Variants in PDZD2 observed in about 807,000 individuals in gnomAD.
PDZD2 encodes the protein PDZ domain-containing protein 2.
Under a neutral mutation model 220.7 loss-of-function variants are expected in PDZD2, and 90 were observed. The observed-to-expected ratio is 0.41, with a 90% CI of 0.34 to 0.49. The LOEUF (loss-of-function observed/expected upper bound fraction) is 0.49, where lower values mean the gene tolerates loss of function less well. Ranked by LOEUF, PDZD2 falls within the 20% of genes least tolerant of loss-of-function variation. The pLI is 0.28. For missense variants in PDZD2, 3,174 were observed against 3,608.5 expected, an observed-to-expected ratio of 0.88 and a Z score of 3.08; for synonymous variants, 1,375 against 1,450.5, an observed-to-expected ratio of 0.95 and a Z score of 1.18.
At chr5:32,056,305 C>T (rs924748502) in intron 10 of PDZD2, among the ~76,000 whole-genome samples, 2 of 150,486 alleles carry the variant, frequency 1.3e-5, no homozygotes, top group African/African-American at 2.4e-5. Context: ...TTTTGTAACT[C>T]ATCTACAGGA....
chr5:31,666,857 C>T (rs1746007499), intron 1 of PDZD2, among the ~76,000 whole-genome samples: 1 of 152,154 alleles, frequency 6.6e-6, no homozygotes, highest in Admixed American at 6.5e-5. Flanking sequence ...CTCAGACTCT[C>T]AGCCTGTGGG....
rs147329220 is a variant in PDZD2 at position 32,046,677 on chromosome 5, A to C, written c.1520-1862A>C. On this transcript the variant is annotated intron_variant, in intron 7 of 24. Coordinates refer to ENST00000438447, the MANE Select transcript of PDZD2 (RefSeq NM_178140.4). ...ATACATTAAGACAGTGAACAGGCAA[A>C]GCGTAGACACGGAGAAGATATTTAC... Among the ~76,000 whole-genome samples, 29 of 152,352 alleles carry C rather than the reference A, an allele frequency of 1.9e-4. No individual in the cohort carries two copies. The East Asian group carries it at 5.6e-3, about 29-fold the overall frequency.
Position 31,816,066 on chromosome 5 carries a change from A to C in PDZD2, c.476+16342A>C, listed in dbSNP as rs1755428319. Among the ~76,000 whole-genome samples, 3 of 152,106 alleles carry C rather than the reference A, an allele frequency of 2.0e-5. No homozygotes were observed. The East Asian group carries it at 5.8e-4, about 29-fold the overall frequency. On this transcript the variant is annotated intron_variant, in intron 2 of 24. Coordinates refer to ENST00000438447, the MANE Select transcript of PDZD2 (RefSeq NM_178140.4). ...CATTTTGGGAGGCTGAGGTAGGCAG[A>C]TCACGAGGTCAGGAGATCAAGACCA...
At chr5:31,705,479 C>T (rs1465603080) in intron 1 of PDZD2, among the ~76,000 whole-genome samples, 1 of 152,100 alleles carries the variant, frequency 6.6e-6, no homozygotes, top group African/African-American at 2.4e-5. Flanking sequence ...CAGAAAACTA[C>T]CTTGTATTGA....
At chr5:31,721,939 T>C (rs930894301) in intron 1 of PDZD2, among the ~76,000 whole-genome samples, 5 of 152,132 alleles carry the variant, frequency 3.3e-5, no homozygotes, top group Non-Finnish European at 5.9e-5. Flanking sequence ...CCCTTAGTAA[T>C]TGGCTTAACT....
intron 2 of PDZD2, among the ~76,000 whole-genome samples, chr5:31,933,960 C>T (rs1181829132): frequency 2.6e-5 from 4 of 152,150 alleles, no homozygotes; most frequent in African/African-American, 7.2e-5. Context: ...GTGTATGCTA[C>T]GTGGCTCGTT....
At chr5:31,692,212 G>A (rs1483200140) in intron 1 of PDZD2, among the ~76,000 whole-genome samples, 1 of 152,252 alleles carries the variant, frequency 6.6e-6, no homozygotes, top group African/African-American at 2.4e-5. Flanking sequence ...GCTGGCCCAG[G>A]TGCTAAGCTT....
chr5:32,048,642 A>G lies in PDZD2; in HGVS notation c.1623A>G (p.Lys541=), dbSNP rs1344818544. The G allele has an allele frequency of 2.5e-6, 4 of 1,613,982 alleles. No individual in the cohort carries two copies. The Admixed American group carries it at 6.7e-5, about 27-fold the overall frequency. The change falls in exon 8 of 25, where the codon AAA becomes AAG. Residue 541 remains lysine (K), a synonymous_variant. Coordinates refer to ENST00000438447, the MANE Select transcript of PDZD2 (RefSeq NM_178140.4). ...TGGAGGTCTCCCGAGATGGCCGGAAACACTCCCTCCCGCAGCTGCTGGACT... is the reference window on the plus strand; with the variant it reads ...TGGAGGTCTCCCGAGATGGCCGGAAGCACTCCCTCCCGCAGCTGCTGGACT... ...RMLEVSRDGR[K]HSLPQLLDSS...
chr5:31,778,199 G>A (rs6450863), intron 1 of PDZD2, among the ~76,000 whole-genome samples: 76,741 of 152,042 alleles, frequency 0.5, 20,248 homozygotes, highest in African/African-American at 0.55. Flanking sequence ...AAACACACCA[G>A]TGAGCACCCT....
In PDZD2 at chr5:32,048,656, A is replaced by T; in HGVS notation, c.1637A>T (p.Gln546Leu). ...SRDGRKHSLP[Q>L]LLDSSSASQE... ...GATGGCCGGAAACACTCCCTCCCGC[A>T]GCTGCTGGACTCTTCCAGTGCCTCA... The change falls in exon 8 of 25, where the codon CAG (glutamine) becomes CTG (leucine). Residue 546 changes from glutamine to leucine, a missense_variant. Coordinates refer to ENST00000438447, the MANE Select transcript of PDZD2 (RefSeq NM_178140.4). 6.2e-7 allele frequency: 1 copy of T among 1,614,098 alleles called. No homozygotes were observed. Among genetic ancestry groups the T allele is most frequent in the Non-Finnish European group, 8.5e-7 (1 of 1,180,006 alleles).
chr5:31,868,472 C>T (rs1295959500), intron 2 of PDZD2, among the ~76,000 whole-genome samples: 1 of 151,964 alleles, frequency 6.6e-6, no homozygotes, highest in Non-Finnish European at 1.5e-5. Context: ...TGCAGCTGTC[C>T]CGCGTGAGTT....
chr5:32,103,685 TCGTGGTTGGTCACAGGACA>T (rs1346392170), intron 24 of PDZD2: 1 of 152,238 alleles, frequency 6.6e-6, no homozygotes, highest in African/African-American at 2.4e-5. Context: ...GTGGCCGCCT[TCGTGGTTGGTCACAGGACA>T]CGTAGCCTCT....
chr5:32,091,032 C>T lies in PDZD2; in HGVS notation c.7584C>T (p.Gly2528=), dbSNP rs1423968988. ...GGTCACCTGGCCCTCCTGCTGGAGGCGTTTCGTGTCCCGAGAAGGGCGGGA... is the reference window on the plus strand; with the variant it reads ...GGTCACCTGGCCCTCCTGCTGGAGGTGTTTCGTGTCCCGAGAAGGGCGGGA... ...PRRSPGPPAG[G]VSCPEKGGNR... The change falls in exon 20 of 25, where the codon GGC becomes GGT. Residue 2528 remains glycine, a synonymous_variant. Coordinates refer to ENST00000438447, the MANE Select transcript of PDZD2 (RefSeq NM_178140.4). 5.6e-6 allele frequency: 9 copies of T among 1,613,614 alleles called. No individual in the cohort carries two copies. Among genetic ancestry groups the T allele is most frequent in the African/African-American group, 2.7e-5 (2 of 74,882 alleles).
At position 31,851,109 on chromosome 5, in the gene PDZD2, C is replaced by T. The variant is rs1213638914; in HGVS notation, c.476+51385C>T. Among the ~76,000 whole-genome samples, 14 of 152,004 alleles carry T rather than the reference C, an allele frequency of 9.2e-5. No individual in the cohort carries two copies. In the South Asian group the frequency reaches 2.7e-3, roughly 29 times the overall value. On this transcript the variant is annotated intron_variant, in intron 2 of 24. Coordinates refer to ENST00000438447, the MANE Select transcript of PDZD2 (RefSeq NM_178140.4). Reference sequence around the variant, plus strand: ...GACTAAACAACTCCAAATCCTTTAACTTCCCCTCATAAGTTCTATTTTCTG... The same window carrying T: ...GACTAAACAACTCCAAATCCTTTAATTTCCCCTCATAAGTTCTATTTTCTG...
Position 31,926,526 on chromosome 5 carries a change from G to GA in PDZD2, c.477-56610dup, listed in dbSNP as rs71300157. On this transcript the variant is annotated intron_variant, in intron 2 of 24. Transcript: ENST00000438447. ...GGGCAACAAGGTAGAAACTGCATCT[G>GA]AAAAAAAAAAAAAAAAAAAGAAAAT... 1.8e-3 allele frequency among the ~76,000 whole-genome samples: 150 copies of GA among 83,974 alleles called. 4 individuals are homozygous for GA. The highest frequency in any genetic ancestry group is 9.2e-3 in the South Asian group (18 of 1,964). 55.1% of individuals were successfully genotyped at this position (83,974 alleles called of 152,430 possible).
Position 32,089,587 on chromosome 5 carries a change from G to C in PDZD2, c.6139G>C (p.Val2047Leu), listed in dbSNP as rs761214679. 1.2e-6 allele frequency: 2 copies of C among 1,612,370 alleles called. No individual in the cohort carries two copies. Among genetic ancestry groups the C allele is most frequent in the African/African-American group, 2.7e-5 (2 of 74,942 alleles). ...GGCAGCGTCTAGGAACGGCATGTCC[G>C]TGGCAGGGAACAGACAGAGTGAGCC... ...SPAASRNGMS[V>L]AGNRQSEPRL... The change falls in exon 20 of 25, where the codon GTG becomes CTG. Residue 2047 changes from valine to leucine, a missense_variant. This residue lies in a region of PDZD2 where 1,861 missense variants were observed against 2,001.0 expected (regional missense o/e 0.93). Coordinates refer to ENST00000438447, the MANE Select transcript of PDZD2 (RefSeq NM_178140.4).
intron 5 of PDZD2, among the ~76,000 whole-genome samples, chr5:32,009,529 A>T (rs1438935094): frequency 2.0e-5 from 3 of 151,252 alleles, no homozygotes; most frequent in African/African-American, 7.3e-5. Context: ...GGAGTTCGAG[A>T]CCAGCCTGGG....
At chr5:31,756,646 A>C (rs1263448585) in intron 1 of PDZD2, among the ~76,000 whole-genome samples, 1 of 152,226 alleles carries the variant, frequency 6.6e-6, no homozygotes, top group Non-Finnish European at 1.5e-5. Flanking sequence ...CAGGGGGATG[A>C]ACATAGGAGC....
intron 19 of PDZD2, among the ~76,000 whole-genome samples, chr5:32,079,014 T>C (rs547307142): frequency 6.6e-6 from 1 of 152,066 alleles, no homozygotes; most frequent in East Asian, 1.9e-4. Context: ...ATCCCAGCAC[T>C]TTGGGATGCC....
Sources: gnomAD v4.1 joint callset for allele counts (sites outside exome capture counted in the v4.1 genomes callset) on GRCh38, gnomAD v4.1.1 for gene constraint, gnomAD v4.1.1 regional missense constraint, MANE v1.5 for transcripts, NCBI Gene and HGNC (gene_info 2026-07-23, HGNC 2026-07-21) for gene names.